Variants in PTPRD observed in about 807,000 individuals in gnomAD.
The protein encoded by PTPRD is protein tyrosine phosphatase receptor type D.
A neutral mutation model predicts 214.5 loss-of-function variants in PTPRD; 34 were observed. That is an observed-to-expected ratio of 0.16 (90% CI 0.12 to 0.21). The LOEUF (loss-of-function observed/expected upper bound fraction) is 0.21. Ranked by LOEUF, PTPRD falls within the 10% of genes least tolerant of loss-of-function variation. The probability of loss-of-function intolerance (pLI) is 1.00; values close to 1 mark genes in which losing one functional copy is unlikely to be tolerated. For synonymous variants in PTPRD, 1,128 were observed against 845.7 expected, an observed-to-expected ratio of 1.33 and a Z score of -5.79; for missense variants, 2,545 against 2,398.7, an observed-to-expected ratio of 1.06 and a Z score of -1.27.
chr9:10,353,057 C>T (rs1238821319), intron 2 of PTPRD, among the ~76,000 whole-genome samples: 1 of 151,910 alleles, frequency 6.6e-6, no homozygotes, highest in Non-Finnish European at 1.5e-5. Context: ...TAACAAGTCC[C>T]TTAAAATTAC....
At chr9:10,091,085 A>C (rs2098424788) in intron 3 of PTPRD, among the ~76,000 whole-genome samples, 1 of 151,394 alleles carries the variant, frequency 6.6e-6, no homozygotes, top group African/African-American at 2.4e-5. Context: ...ATAATGGCAG[A>C]GCTTGACTTC....
intron 12 of PTPRD, among the ~76,000 whole-genome samples, chr9:8,731,702 T>C (rs148821028): frequency 2.6e-5 from 4 of 152,298 alleles, no homozygotes; most frequent in East Asian, 1.9e-4. Context: ...TTCTGGTAGA[T>C]TGCAAATGGA....
At chr9:9,395,491 T>C (rs1321631338) in intron 9 of PTPRD, among the ~76,000 whole-genome samples, 2 of 151,848 alleles carry the variant, frequency 1.3e-5, no homozygotes, top group Admixed American at 6.6e-5. Context: ...GAAAGGAGAG[T>C]TTTAGCAGAA....
chr9:9,863,007 A>G (rs1007007391), intron 5 of PTPRD, among the ~76,000 whole-genome samples: 3 of 152,194 alleles, frequency 2.0e-5, no homozygotes, highest in Non-Finnish European at 4.4e-5. Flanking sequence ...AGAACAAATG[A>G]CAATAGGAAA....
intron 14 of PTPRD, among the ~76,000 whole-genome samples, chr9:8,582,743 G>A (rs919244165): frequency 6.6e-6 from 1 of 152,146 alleles, no homozygotes; most frequent in African/African-American, 2.4e-5. Flanking sequence ...ACAAATATTG[G>A]CAAGGATATG....
chr9:9,547,943 AT>A (rs1277434735), intron 8 of PTPRD, among the ~76,000 whole-genome samples: 4 of 152,146 alleles, frequency 2.6e-5, no homozygotes, highest in African/African-American at 9.6e-5. Flanking sequence ...AATGATAGGA[AT>A]TTTTTCTGAC....
chr9:8,700,493 G>T (rs558054384), intron 12 of PTPRD: 2 of 152,316 alleles, frequency 1.3e-5, no homozygotes, highest in East Asian at 3.9e-4. Flanking sequence ...GCTGTTAATA[G>T]CAAAGATGTA....
chr9:9,100,346 T>G (rs1239380921), intron 10 of PTPRD, among the ~76,000 whole-genome samples: 1 of 152,186 alleles, frequency 6.6e-6, no homozygotes, highest in Non-Finnish European at 1.5e-5. Flanking sequence ...GAAAAGAGCA[T>G]GATGTCCTAA....
At chr9:8,463,427 C>T (rs1165633850) in intron 32 of PTPRD, among the ~76,000 whole-genome samples, 3 of 149,894 alleles carry the variant, frequency 2.0e-5, no homozygotes, top group Admixed American at 6.7e-5. Flanking sequence ...TTGGTTTATG[C>T]TTTACCCACT....
chr9:9,478,513 G>C (rs1429904165), intron 8 of PTPRD, among the ~76,000 whole-genome samples: 1 of 152,096 alleles, frequency 6.6e-6, no homozygotes, highest in African/African-American at 2.4e-5. Flanking sequence ...AAAATAGTGA[G>C]GATGAAAGTG....
At chr9:10,550,344 G>A (rs2061041670) in intron 2 of PTPRD, among the ~76,000 whole-genome samples, 1 of 152,154 alleles carries the variant, frequency 6.6e-6, no homozygotes, top group South Asian at 2.1e-4. Context: ...TTTGCGTGAT[G>A]CTGAGGTGTA....
At chr9:10,188,326 T>C (rs1230391480) in intron 3 of PTPRD, among the ~76,000 whole-genome samples, 1 of 152,144 alleles carries the variant, frequency 6.6e-6, no homozygotes, top group Non-Finnish European at 1.5e-5. Flanking sequence ...CTCTGTTTAA[T>C]CTTAAATAAT....
chr9:10,127,272 C>T (rs1248880220), intron 3 of PTPRD, among the ~76,000 whole-genome samples: 2 of 152,122 alleles, frequency 1.3e-5, no homozygotes, highest in Admixed American at 1.3e-4. Context: ...AGTATGATTC[C>T]TCTGTCTGTA....
At chr9:8,470,110 A>T (rs2096623212) in intron 31 of PTPRD, among the ~76,000 whole-genome samples, 1 of 152,120 alleles carries the variant, frequency 6.6e-6, no homozygotes, top group Admixed American at 6.6e-5. Flanking sequence ...ATATTTGCCA[A>T]ATGGGGGCGT....
At chr9:9,261,634 G>C (rs1241889620) in intron 9 of PTPRD, among the ~76,000 whole-genome samples, 6 of 139,186 alleles carry the variant, frequency 4.3e-5, no homozygotes, top group Admixed American at 1.5e-4. Context: ...GTGCGTGTGT[G>C]CATGTGCATG....
At chr9:8,378,751 T>A (rs544123455) in intron 37 of PTPRD, among the ~76,000 whole-genome samples, 1 of 152,136 alleles carries the variant, frequency 6.6e-6, no homozygotes, top group East Asian at 1.9e-4. Context: ...TGAACCAAAT[T>A]CAATATAATT....
chr9:8,645,516 C>G (rs1262329126), intron 12 of PTPRD, among the ~76,000 whole-genome samples: 1 of 152,172 alleles, frequency 6.6e-6, no homozygotes, highest in Non-Finnish European at 1.5e-5. Context: ...GGCCTCAACT[C>G]TCAATTCCTT....
intron 11 of PTPRD, among the ~76,000 whole-genome samples, chr9:8,746,408 G>C (rs540364578): frequency 1.3e-5 from 2 of 152,262 alleles, no homozygotes; most frequent in South Asian, 2.1e-4. Context: ...AGATGTATCA[G>C]AGTGGCAGCG....
chr9:9,562,694 G>T (rs567186121), intron 8 of PTPRD, among the ~76,000 whole-genome samples: 1 of 151,850 alleles, frequency 6.6e-6, no homozygotes, highest in African/African-American at 2.4e-5. Flanking sequence ...TTTAGTTCCT[G>T]AGCAAATTTG....
Sources: allele counts gnomAD v4.1 joint callset (sites outside exome capture counted in the v4.1 genomes callset), GRCh38; gene constraint gnomAD v4.1.1; transcripts MANE v1.5; gene names NCBI Gene and HGNC (gene_info 2026-07-23, HGNC 2026-07-21).